FCRLA: variants seen among roughly 807,000 people sequenced by gnomAD.
The protein encoded by FCRLA is Fc receptor like A.
A neutral mutation model predicts 28.4 loss-of-function variants in FCRLA; 26 were observed. The observed-to-expected ratio is 0.91, with a 90% CI of 0.67 to 1.27. The LOEUF (loss-of-function observed/expected upper bound fraction) is 1.27. Ranked by LOEUF, FCRLA falls within the 50% of genes most tolerant of loss-of-function variation. FCRLA has a pLI of 0.00. For missense variants in FCRLA, 422 were observed against 433.1 expected (o/e 0.97, Z 0.23); for synonymous variants, 174 against 168.5 (o/e 1.03, Z -0.25).
chr1:161,713,311 C>T lies in FCRLA; in HGVS notation c.1011C>T (p.His337=). Reference sequence around the variant, plus strand: ...AGGATGTGAGAGTCCTCCTCGGTCACCTGCTCATGGAGTTGAGGGAATTAT... The same window carrying T: ...AGGATGTGAGAGTCCTCCTCGGTCATCTGCTCATGGAGTTGAGGGAATTAT... ...HMQDVRVLLG[H]LLMELRELSG... Residue 337 remains histidine, a synonymous_variant, in exon 5 of 5, where the codon CAC becomes CAT. Coordinates refer to ENST00000236938, the MANE Select transcript of FCRLA (RefSeq NM_032738.4). 6.2e-7 allele frequency: 1 copy of T among 1,614,224 alleles called. No individual in the cohort carries two copies. The highest frequency in any genetic ancestry group is 8.5e-7 in the Non-Finnish European group (1 of 1,180,034).
At chr1:161,710,622 C>CAA (rs1683046283) in intron 1 of FCRLA, 138 bp from the exon 2 acceptor site, 1 of 1,376,914 alleles carries the variant, frequency 7.3e-7, no homozygotes. Flanking sequence ...GGGGTCTTTC[C>CAA]GAAAAAAAAA....
At position 161,711,290 on chromosome 1, in the gene FCRLA, G is replaced by T. The variant is rs1267485458; in HGVS notation, c.315G>T (p.Trp105Cys). 6.2e-7 allele frequency: 1 copy of T among 1,614,214 alleles called. No homozygotes were observed. The highest frequency in any genetic ancestry group is 1.7e-5 in the Admixed American group (1 of 60,026). Reference protein sequence around the residue: ...LVLRCQAWQDWPLTQVTFYRD... With the variant: ...LVLRCQAWQDCPLTQVTFYRD... ...TGCGCTGCCAGGCCTGGCAAGACTG[G>T]CCACTGACTCAGGTGACCTTCTACC... The change falls in exon 3 of 5, where the codon TGG (tryptophan) becomes TGT (cysteine). Residue 105 changes from tryptophan to cysteine, a missense_variant. This residue lies in a region of FCRLA where 231 missense variants were observed against 214.6 expected (regional missense o/e 1.08). Coordinates refer to ENST00000236938, the MANE Select transcript of FCRLA (RefSeq NM_032738.4).
In FCRLA at chr1:161,711,421, G is replaced by C. The variant is rs760219794; in HGVS notation, c.446G>C (p.Ser149Thr). 6.2e-7 allele frequency: 1 copy of C among 1,614,124 alleles called. No homozygotes were observed. The highest frequency in any genetic ancestry group is 1.3e-5 in the African/African-American group (1 of 74,944). The change falls in exon 3 of 5, where the codon AGC becomes ACC. Residue 149 changes from serine (S) to threonine (T), a missense_variant. Physicochemically the swap from Ser to Thr is moderately conservative, Grantham distance 58 (BLOSUM62 1). This residue lies in a region of FCRLA where 231 missense variants were observed against 214.6 expected (regional missense o/e 1.08). Coordinates refer to ENST00000236938, the MANE Select transcript of FCRLA (RefSeq NM_032738.4). ...TACCACTGCAGTGGCATCTTCCAGA[G>C]CCCTGGTCCTGGGATCCCAGAAACA... ...GHYHCSGIFQ[S>T]PGPGIPETAS...
intron 4 of FCRLA, among the ~76,000 whole-genome samples, chr1:161,712,423 C>T (rs1683150915): frequency 6.6e-6 from 1 of 152,196 alleles, no homozygotes; most frequent in African/African-American, 2.4e-5. Context: ...GTGCACACCT[C>T]ACCAGACCAA....
chr1:161,707,291 C>T lies in FCRLA; in HGVS notation c.27C>T (p.Ala9=). 14 of 1,613,846 alleles carry T rather than the reference C, an allele frequency of 8.7e-6. No homozygotes were observed. The highest frequency in any genetic ancestry group is 1.2e-5 in the Non-Finnish European group (14 of 1,179,894). MKLGCVLM[A]WALYLSLGVL... is the part of the protein sequence containing the mutation. ...TGAAGCTGGGCTGTGTCCTCATGGC[C>T]TGGGCCCTCTACCTTTCCCTTGGTG... The change falls in exon 1 of 5, where the codon GCC becomes GCT. Residue 9 remains alanine, a synonymous_variant. Coordinates refer to ENST00000236938, the MANE Select transcript of FCRLA (RefSeq NM_032738.4).
Position 161,710,776 on chromosome 1 carries a change from G to T in FCRLA, c.96G>T (p.Thr32=). The part of the protein sequence containing the change: ...AQMLLAASFE[T]LQCEGPVCTE... ...CCTCTTCAGCTGCCAGTTTTGAGACGCTGCAGTGTGAGGGACCTGTCTGCA... is the reference window on the plus strand; with the variant it reads ...CCTCTTCAGCTGCCAGTTTTGAGACTCTGCAGTGTGAGGGACCTGTCTGCA... Residue 32 remains threonine (T), a synonymous_variant, in exon 2 of 5, where the codon ACG becomes ACT. Coordinates refer to ENST00000236938, the MANE Select transcript of FCRLA (RefSeq NM_032738.4). 1 of 1,614,140 alleles carries T rather than the reference G, an allele frequency of 6.2e-7. No individual in the cohort carries two copies. Among genetic ancestry groups the T allele is most frequent in the Non-Finnish European group, 8.5e-7 (1 of 1,180,020 alleles).
Position 161,711,917 on chromosome 1 carries a change from G to C in FCRLA, c.500-17G>C, listed in dbSNP as rs747780686. ...TAAGATGGCTGAGCTCTTCTTTCCTGCCTATCTTTTTCCCAGAACTGTTTC... is the reference window on the plus strand; with the variant it reads ...TAAGATGGCTGAGCTCTTCTTTCCTCCCTATCTTTTTCCCAGAACTGTTTC... On this transcript the variant is annotated splice_polypyrimidine_tract_variant and intron_variant, in intron 3 of 4. Coordinates refer to ENST00000236938, the MANE Select transcript of FCRLA (RefSeq NM_032738.4). The C allele has an allele frequency of 6.3e-7, 1 of 1,594,828 alleles. No homozygotes were observed. Among genetic ancestry groups the C allele is most frequent in the Non-Finnish European group, 8.5e-7 (1 of 1,169,706 alleles).
Position 161,712,148 on chromosome 1 carries a change from C to T in FCRLA, c.714C>T (p.Tyr238=), listed in dbSNP as rs770169662. Residue 238 remains tyrosine, a synonymous_variant, in exon 4 of 5, where the codon TAC becomes TAT. Transcript: ENST00000236938. The part of the protein sequence containing the change: ...PTASEDHSGS[Y]WCEAATEDNQ... ...CTTCAGAAGATCACTCCGGGTCATA[C>T]TGGTGTGAGGCAGCCACTGAGGACA... 9 of 1,614,114 alleles carry T rather than the reference C, an allele frequency of 5.6e-6. No individual in the cohort carries two copies. In the East Asian group the frequency reaches 1.1e-4, roughly 20 times the overall value.
At chr1:161,712,279 T>C (rs540012225) in intron 4 of FCRLA, 61 bp downstream of exon 4, 4 of 1,546,952 alleles carry the variant, frequency 2.6e-6, no homozygotes, top group South Asian at 1.2e-5. Context: ...AAAGGAGGGA[T>C]AGGATAAATT....
At chr1:161,711,521 G>A (rs1393108407) in intron 3 of FCRLA, 47 bp downstream of exon 3, 6 of 1,566,568 alleles carry the variant, frequency 3.8e-6, no homozygotes, top group South Asian at 1.2e-5. Flanking sequence ...GGTAAGGAGA[G>A]ACAGGGAGCC....
intron 1 of FCRLA, among the ~76,000 whole-genome samples, chr1:161,709,727 G>A (rs183022801): frequency 6.6e-6 from 1 of 152,296 alleles, no homozygotes; most frequent in Admixed American, 6.5e-5. Context: ...CCATGAGGCT[G>A]GAGGAGGGGG....
chr1:161,711,747 T>G, intron 3 of FCRLA, 187 bp from the exon 4 acceptor site: 1 of 820,742 alleles, frequency 1.2e-6, no homozygotes. Flanking sequence ...GATTTGCCCA[T>G]CTGTGGATCT....
chr1:161,711,232 C>T lies in FCRLA; in HGVS notation c.257C>T (p.Ala86Val), dbSNP rs1443632347. The change falls in exon 3 of 5, where the codon GCC (alanine) becomes GTC (valine). Residue 86 changes from alanine to valine, a missense_variant. This residue lies in a region of FCRLA where 231 missense variants were observed against 214.6 expected (regional missense o/e 1.08). Transcript: ENST00000236938. Reference protein sequence around the residue: ...SYDWLILQGPAKPVFEGDLLV... With the variant: ...SYDWLILQGPVKPVFEGDLLV... ...GACTGGCTGATCCTCCAAGGTCCAG[C>T]CAAGCCAGTTTTTGAAGGGGACCTG... 5 of 1,613,918 alleles carry T rather than the reference C, an allele frequency of 3.1e-6. No individual in the cohort carries two copies. In the South Asian group the frequency reaches 3.3e-5, roughly 11 times the overall value.
chr1:161,709,966 G>T (rs1683015025), intron 1 of FCRLA, among the ~76,000 whole-genome samples: 1 of 152,138 alleles, frequency 6.6e-6, no homozygotes, highest in Non-Finnish European at 1.5e-5. Context: ...AATTCAAGTG[G>T]CAGAGGACAT....
rs752988321 is a variant in FCRLA, at chr1:161,711,518, A to G, written c.499+44A>G. On this transcript the variant is annotated intron_variant, in intron 3 of 4. Transcript: ENST00000236938. ...ATTGTCATGGCAGGGGAGGGTAAGGAGAGACAGGGAGCCCAAATTGTCTTT... is the reference window on the plus strand; with the variant it reads ...ATTGTCATGGCAGGGGAGGGTAAGGGGAGACAGGGAGCCCAAATTGTCTTT... 16 of 1,568,526 alleles carry G rather than the reference A, an allele frequency of 1.0e-5. No homozygotes were observed. The East Asian group carries it at 3.4e-4, about 33-fold the overall frequency.
intron 1 of FCRLA, 69 bp downstream of exon 1, chr1:161,707,412 GA>G (rs1682870617): frequency 1.3e-6 from 2 of 1,490,128 alleles, no homozygotes; most frequent in South Asian, 2.7e-5. Flanking sequence ...GGACCAGAAG[GA>G]AAGAAACATG....
intron 2 of FCRLA, 132 bp from the exon 3 acceptor site, chr1:161,711,076 G>A (rs1340823512): frequency 1.4e-6 from 2 of 1,445,640 alleles, no homozygotes; most frequent in East Asian, 4.6e-5. Flanking sequence ...CCCTAGGGAA[G>A]TTGTCCCATA....
rs747449723 is a variant in FCRLA, at chr1:161,711,272, C to T, written c.297C>T (p.Cys99=). The change falls in exon 3 of 5, where the codon TGC becomes TGT. Residue 99 remains cysteine, a synonymous_variant. Coordinates refer to ENST00000236938, the MANE Select transcript of FCRLA (RefSeq NM_032738.4). ...VFEGDLLVLR[C]QAWQDWPLTQ... The stretch of plus-strand genomic sequence containing the variant: ...AAGGGGACCTGCTGGTTCTGCGCTG[C>T]CAGGCCTGGCAAGACTGGCCACTGA... 2 of 1,614,224 alleles carry T rather than the reference C, an allele frequency of 1.2e-6. No individual in the cohort carries two copies. Among genetic ancestry groups the T allele is most frequent in the South Asian group, 1.1e-5 (1 of 91,086 alleles).
rs760766912 is a variant in FCRLA, at chr1:161,710,824, G to A, written c.144G>A (p.Thr48=). 1.4e-5 allele frequency: 23 copies of A among 1,613,906 alleles called. No homozygotes were observed. The highest frequency in any genetic ancestry group is 7.7e-5 in the South Asian group (7 of 91,070). Residue 48 remains threonine, a synonymous_variant, in exon 2 of 5, where the codon ACG becomes ACA. Transcript: ENST00000236938. The part of the protein sequence containing the change: ...PVCTEESSCH[T]EDDLTDAREA... ...GCACTGAGGAGAGCAGCTGCCACAC[G>A]GAGGATGACTTGACTGATGCAAGGG... is the stretch of plus-strand genomic sequence containing the variant.
Sources: allele counts gnomAD v4.1 joint callset (sites outside exome capture counted in the v4.1 genomes callset), GRCh38; gene constraint gnomAD v4.1.1; regional missense constraint gnomAD v4.1.1; transcripts MANE v1.5; gene names NCBI Gene and HGNC (gene_info 2026-07-23, HGNC 2026-07-21).